Variants in UBA3 observed in about 807,000 individuals in gnomAD.
UBA3 encodes the protein ubiquitin like modifier activating enzyme 3, also known as NEDD8-activating enzyme E1 catalytic subunit.
UBA3 carries 26 observed loss-of-function variants against 73.5 expected under a neutral mutation model. The observed-to-expected ratio is 0.35, with a 90% confidence interval of 0.26 to 0.49. The LOEUF is 0.49. Ranked by LOEUF, UBA3 falls within the 20% of genes least tolerant of loss-of-function variation. The pLI is 0.98. For synonymous variants in UBA3, 217 were observed against 191.2 expected, an observed-to-expected ratio of 1.13 and a Z score of -1.11; for missense variants, 495 against 555.6, an observed-to-expected ratio of 0.89 and a Z score of 1.10.
At chr3:69,060,165 T>C (rs1401397719) in intron 11 of UBA3, among the ~76,000 whole-genome samples, 1 of 152,054 alleles carries the variant, frequency 6.6e-6, no homozygotes, top group East Asian at 1.9e-4. Context: ...AGGATATAAT[T>C]ATCAAAACAG....
rs370213812 is a variant in UBA3 at position 69,071,605 on chromosome 3, A to G, written c.277T>C (p.Phe93Leu). 8 of 1,556,358 alleles carry G rather than the reference A, an allele frequency of 5.1e-6. No individual in the cohort carries two copies. Among genetic ancestry groups the G allele is most frequent in the Non-Finnish European group, 6.9e-6 (8 of 1,161,456 alleles). Residue 93 changes from phenylalanine to leucine, a missense_variant, in exon 5 of 18, where the codon TTT (phenylalanine) becomes CTT (leucine). Physicochemically the swap from Phe to Leu is conservative, Grantham distance 22. Coordinates refer to ENST00000361055, the MANE Select transcript of UBA3 (RefSeq NM_003968.4). ...ATATCTATAACATGAATCTGTCTAA[A>G]ACCAGACAAGGCCTGTGGGAATAAA... Reference protein sequence around the residue: ...ELLKNLALSGFRQIHVIDMDT... With the variant: ...ELLKNLALSGLRQIHVIDMDT...
chr3:69,063,953 T>C (rs1286995061), intron 7 of UBA3, 115 bp downstream of exon 7: 4 of 886,358 alleles, frequency 4.5e-6, no homozygotes, highest in Non-Finnish European at 7.1e-6. Flanking sequence ...AAGCCAACAG[T>C]GAGAGAGGAA....
chr3:69,067,816 ACTG>A, intron 6 of UBA3, 109 bp downstream of exon 6: 1 of 666,578 alleles, frequency 1.5e-6, no homozygotes, highest in Non-Finnish European at 2.5e-6. Flanking sequence ...TAAAGTTACT[ACTG>A]CTGACTTTTT....
In UBA3 at chr3:69,059,593, C is replaced by A. The variant is rs561033802; in HGVS notation, c.910+2221G>T. On this transcript the variant is annotated intron_variant, in intron 11 of 17. Transcript: ENST00000361055. ...GCGTAGGAACTCGGGAGTATTAAAG[C>A]TCTAAGGTACAGAAGAACTTGGTGT... 3.3e-5 allele frequency among the ~76,000 whole-genome samples: 5 copies of A among 152,218 alleles called. 1 individual carries two copies. The highest frequency in any genetic ancestry group is 1.3e-4 in the Admixed American group (2 of 15,278).
chr3:69,080,190 T>C (rs1402253009), intron 1 of UBA3, 37 bp from the exon 2 acceptor site: 1 of 1,457,302 alleles, frequency 6.9e-7, no homozygotes, highest in Non-Finnish European at 9.5e-7. Context: ...AGCATCGCGC[T>C]ACACACTGGG....
intron 8 of UBA3, 45 bp downstream of exon 8, chr3:69,063,394 A>G: frequency 3.9e-6 from 6 of 1,552,934 alleles, no homozygotes; most frequent in African/African-American, 1.4e-5. Context: ...TGTGAAGCAC[A>G]GCAGCAAGAA....
At chr3:69,061,697 C>T (rs750420392) in intron 11 of UBA3, 117 bp downstream of exon 11, 4 of 596,450 alleles carry the variant, frequency 6.7e-6, no homozygotes, top group Non-Finnish European at 1.2e-5. Context: ...TACATGGTAC[C>T]TTTACTGAAC....
chr3:69,077,027 C>T (rs768093831), intron 3 of UBA3, among the ~76,000 whole-genome samples: 1 of 138,870 alleles, frequency 7.2e-6, no homozygotes, highest in Non-Finnish European at 1.6e-5. Context: ...AATTATCAGG[C>T]AAAAAAAAAA....
chr3:69,064,398 A>G (rs2092049795), intron 6 of UBA3, among the ~76,000 whole-genome samples: 1 of 152,128 alleles, frequency 6.6e-6, no homozygotes, highest in Admixed American at 6.6e-5. Context: ...TTTGGTTTTT[A>G]TATAAAACCA....
Position 69,077,808 on chromosome 3 carries a change from G to C in UBA3, c.173C>G (p.Pro58Arg), listed in dbSNP as rs751219527. 1 of 1,612,662 alleles carries C rather than the reference G, an allele frequency of 6.2e-7. No individual in the cohort carries two copies. The highest frequency in any genetic ancestry group is 8.5e-7 in the Non-Finnish European group (1 of 1,179,248). Reference protein sequence around the residue: ...SGPFTHPDFEPSTESLQFLLD... With the variant: ...SGPFTHPDFERSTESLQFLLD... ...ATAAACGTTTCTCACTTCAGTGCTCGGTTCGAAATCAGGGTGTGTGAAGGG... is the reference window on the plus strand; with the variant it reads ...ATAAACGTTTCTCACTTCAGTGCTCCGTTCGAAATCAGGGTGTGTGAAGGG... The change falls in exon 3 of 18, where the codon CCG becomes CGG. Residue 58 changes from proline to arginine, a missense_variant. Physicochemically the swap from Pro to Arg is moderately radical, Grantham distance 103 (BLOSUM62 -2). Coordinates refer to ENST00000361055, the MANE Select transcript of UBA3 (RefSeq NM_003968.4).
chr3:69,055,695 G>A (rs1275298203), intron 17 of UBA3, among the ~76,000 whole-genome samples, 156 bp downstream of exon 17: 1 of 152,012 alleles, frequency 6.6e-6, no homozygotes, highest in African/African-American at 2.4e-5. Flanking sequence ...TCTACTAAAA[G>A]AGCAATTAAT....
Position 69,061,815 on chromosome 3 carries a change from T to C in UBA3, c.909A>G (p.Gln303=), listed in dbSNP as rs778631179. ...NIRGVTYRLT[Q]GVVKRIIPAV... is the part of the protein sequence containing the mutation. The stretch of plus-strand genomic sequence containing the variant: ...ATTCATGACAATTTGCTGACTTACC[T>C]TGAGTGAGCCTATACGTAACACCCC... Residue 303 remains glutamine (Q), a splice_region_variant and synonymous_variant, in exon 11 of 18, where the codon CAA becomes CAG. Transcript: ENST00000361055. 1 of 1,580,666 alleles carries C rather than the reference T, an allele frequency of 6.3e-7. No individual in the cohort carries two copies. Among genetic ancestry groups the C allele is most frequent in the Admixed American group, 1.9e-5 (1 of 53,116 alleles).
intron 11 of UBA3, 73 bp downstream of exon 11, chr3:69,061,741 C>A: frequency 1.1e-6 from 1 of 937,790 alleles, no homozygotes; most frequent in Admixed American, 2.2e-5. Flanking sequence ...ACTCACTTAT[C>A]GATTATTCTC....
intron 5 of UBA3, among the ~76,000 whole-genome samples, chr3:69,068,332 A>G (rs1196169791): frequency 6.6e-6 from 1 of 152,084 alleles, no homozygotes; most frequent in Non-Finnish European, 1.5e-5. Context: ...GTAAAAAATT[A>G]TCCCACTCTT....
At chr3:69,078,850 C>G (rs1336617690) in intron 2 of UBA3, among the ~76,000 whole-genome samples, 1 of 152,142 alleles carries the variant, frequency 6.6e-6, no homozygotes, top group Non-Finnish European at 1.5e-5. Flanking sequence ...TTTCAGATTA[C>G]AATTACGCCA....
chr3:69,061,092 A>C (rs1432386055), intron 11 of UBA3, among the ~76,000 whole-genome samples: 1 of 152,238 alleles, frequency 6.6e-6, no homozygotes, highest in Non-Finnish European at 1.5e-5. Context: ...GCACTGATAA[A>C]AATTTGCAAA....
intron 10 of UBA3, 51 bp from the exon 11 acceptor site, chr3:69,061,978 T>C: frequency 6.9e-7 from 1 of 1,446,586 alleles, no homozygotes; most frequent in Non-Finnish European, 9.5e-7. Context: ...CAGGAATACG[T>C]AATCACAAAA....
In UBA3 at chr3:69,063,939, T is replaced by C. The variant is rs1026788350; in HGVS notation, c.472+129A>G. On this transcript the variant is annotated intron_variant, in intron 7 of 17. Transcript: ENST00000361055. ...CTTTTCAGTCTATCAGCAACATTAC[T>C]GAAAAGCCAACAGTGAGAGAGGAAA... 6.6e-5 allele frequency: 53 copies of C among 799,792 alleles called. No homozygotes were observed. In the African/African-American group the frequency reaches 8.9e-4, roughly 13 times the overall value. The allele number at this position is 799,792 out of a possible 1,614,324, so 49.5% of individuals were successfully genotyped here.
At chr3:69,061,957 G>C (rs1186203409) in intron 10 of UBA3, 30 bp from the exon 11 acceptor site, 2 of 1,496,540 alleles carry the variant, frequency 1.3e-6, no homozygotes, top group South Asian at 1.2e-5. Context: ...GAGAGAGAGA[G>C]AGAGAGAAGA....
Sources: gnomAD v4.1 joint callset for allele counts (sites outside exome capture counted in the v4.1 genomes callset) on GRCh38, gnomAD v4.1.1 for gene constraint, MANE v1.5 for transcripts, NCBI Gene and HGNC (gene_info 2026-07-23, HGNC 2026-07-21) for gene names.